RPS6KC1: variants seen among roughly 807,000 people sequenced by gnomAD.
RPS6KC1 encodes ribosomal protein S6 kinase C1, also known as inactive ribosomal protein S6 kinase delta-1.
A neutral mutation model predicts 103.8 loss-of-function variants in RPS6KC1; 54 were observed. The ratio of observed to expected loss-of-function variants is 0.52; its 90% CI spans 0.42 to 0.65. RPS6KC1 has a LOEUF of 0.65. RPS6KC1 is among the 30% of genes least tolerant of loss of function. The pLI is 0.00. For missense variants in RPS6KC1, 1,151 were observed against 1,253.8 expected (o/e 0.92, Z 1.24); for synonymous variants, 439 against 438.7 (o/e 1.00, Z -0.01).
chr1:213,732,611 C>A, the RPS6KC1 span, among the ~76,000 whole-genome samples: 1 of 152,082 alleles, frequency 6.6e-6, no homozygotes, highest in Non-Finnish European at 1.5e-5. Flanking sequence ...CAAAAGATTG[C>A]CTCCTCTTCC....
At chr1:213,363,699 TTTCCTTCTTTCTTTCTTTCTTTCTTTCG>T in the RPS6KC1 span, among the ~76,000 whole-genome samples, 119 of 96,506 alleles carry the variant, frequency 1.2e-3, 25 homozygotes, top group African/African-American at 7.5e-3. Flanking sequence ...TCTTTCTTTC[TTTCCTTCTTTCTTTCTTTCTTTCTTTCG>T]TTCTTTCTTT....
the RPS6KC1 span, among the ~76,000 whole-genome samples, chr1:213,421,975 G>A: frequency 6.6e-6 from 1 of 152,186 alleles, no homozygotes; most frequent in Non-Finnish European, 1.5e-5. Context: ...CAAGTTCCTA[G>A]AGGACTGTGA....
chr1:213,749,605 C>T, the RPS6KC1 span, among the ~76,000 whole-genome samples: 1 of 152,174 alleles, frequency 6.6e-6, no homozygotes, highest in African/African-American at 2.4e-5. Context: ...TGCATCCCCA[C>T]AACCAAAAGG....
At chr1:213,554,299 G>A in the RPS6KC1 span, among the ~76,000 whole-genome samples, 1 of 152,004 alleles carries the variant, frequency 6.6e-6, no homozygotes, top group Non-Finnish European at 1.5e-5. Context: ...ACCCATGCTT[G>A]TTATTGTCTT....
chr1:213,637,956 A>T, the RPS6KC1 span, among the ~76,000 whole-genome samples: 1 of 152,010 alleles, frequency 6.6e-6, no homozygotes, highest in Non-Finnish European at 1.5e-5. Context: ...AGCTGGGACT[A>T]TAGCTGTGCA....
the RPS6KC1 span, among the ~76,000 whole-genome samples, chr1:213,368,749 A>T: frequency 6.6e-6 from 1 of 152,220 alleles, no homozygotes; most frequent in Non-Finnish European, 1.5e-5. Context: ...AAAGTCCTGC[A>T]AAAGAGAGCT....
the RPS6KC1 span, among the ~76,000 whole-genome samples, chr1:213,563,972 C>CTTTTTTTTTTTTTTTTTTTTTTCTTTT: frequency 3.0e-5 from 4 of 134,390 alleles, no homozygotes; most frequent in Non-Finnish European, 6.3e-5. Flanking sequence ...TTGCTTACCT[C>CTTTTTTTTTTTTTTTTTTTTTTCTTTT]TTTTTTTTTT....
At chr1:213,739,356 G>T in the RPS6KC1 span, among the ~76,000 whole-genome samples, 1 of 152,084 alleles carries the variant, frequency 6.6e-6, no homozygotes, top group African/African-American at 2.4e-5. Flanking sequence ...TAAGGCTTCT[G>T]GTCAACAGTA....
chr1:213,134,377 TCTC>T lies in RPS6KC1; in HGVS notation c.835+4489_835+4491del, dbSNP rs773035235. Among the ~76,000 whole-genome samples the T allele has an allele frequency of 8.5e-5, 13 of 152,070 alleles. 1 individual carries two copies. The East Asian group carries it at 1.2e-3, about 14-fold the overall frequency. On this transcript the variant is annotated intron_variant, in intron 6 of 14. Transcript: ENST00000366960. ...CCTTTTACCTCCTTTCCTCTCCTCT[TCTC>T]TTCTCTTGCATACATTATGAGTGAC...
chr1:213,219,791 A>T (rs1238061142), intron 8 of RPS6KC1, among the ~76,000 whole-genome samples: 2 of 146,686 alleles, frequency 1.4e-5, no homozygotes, highest in African/African-American at 5.0e-5. Context: ...TCTCATTCAT[A>T]GGTCGAATTG....
At chr1:213,631,928 A>T in the RPS6KC1 span, among the ~76,000 whole-genome samples, 1 of 151,886 alleles carries the variant, frequency 6.6e-6, no homozygotes, top group Non-Finnish European at 1.5e-5. Flanking sequence ...CCCTTTTCCT[A>T]CCCCTGGCAA....
chr1:213,363,433 C>A, the RPS6KC1 span, among the ~76,000 whole-genome samples: 1 of 152,198 alleles, frequency 6.6e-6, no homozygotes, highest in Non-Finnish European at 1.5e-5. Context: ...CAGCTCCTCC[C>A]ATCTTCCAAC....
At chr1:213,325,856 G>A in the RPS6KC1 span, among the ~76,000 whole-genome samples, 1 of 152,146 alleles carries the variant, frequency 6.6e-6, no homozygotes, top group East Asian at 1.9e-4. Context: ...GGTTTCTTTC[G>A]TTCACAGGAT....
chr1:213,555,200 C>T, the RPS6KC1 span, among the ~76,000 whole-genome samples: 2 of 152,160 alleles, frequency 1.3e-5, no homozygotes, highest in Admixed American at 6.5e-5. Context: ...CTACAAAGAA[C>T]GAATGTTTGA....
the RPS6KC1 span, among the ~76,000 whole-genome samples, chr1:213,349,285 C>T: frequency 6.6e-6 from 1 of 152,154 alleles, no homozygotes; most frequent in African/African-American, 2.4e-5. Context: ...AAGCAGTTTC[C>T]TTTTCCCTTC....
chr1:213,336,178 A>G, the RPS6KC1 span, among the ~76,000 whole-genome samples: 2 of 152,196 alleles, frequency 1.3e-5, no homozygotes, highest in African/African-American at 2.4e-5. Flanking sequence ...ACGAAATTCA[A>G]TACAATAGCT....
At chr1:213,582,051 G>C in the RPS6KC1 span, among the ~76,000 whole-genome samples, 3 of 147,454 alleles carry the variant, frequency 2.0e-5, no homozygotes, top group African/African-American at 7.5e-5. Flanking sequence ...CTATGTATTT[G>C]TGTTCCTAAA....
At chr1:213,314,604 A>G in the RPS6KC1 span, among the ~76,000 whole-genome samples, 1 of 151,696 alleles carries the variant, frequency 6.6e-6, no homozygotes, top group Non-Finnish European at 1.5e-5. Flanking sequence ...AATCCTGTGA[A>G]GACACTTGAT....
intron 5 of RPS6KC1, among the ~76,000 whole-genome samples, chr1:213,123,168 A>C (rs2084595760): frequency 6.6e-6 from 1 of 152,160 alleles, no homozygotes; most frequent in Non-Finnish European, 1.5e-5. Context: ...TGAAATGAAG[A>C]GATTTCATTT....
Sources: allele counts gnomAD v4.1 joint callset (sites outside exome capture counted in the v4.1 genomes callset), GRCh38; gene constraint gnomAD v4.1.1; transcripts MANE v1.5; gene names NCBI Gene and HGNC (gene_info 2026-07-23, HGNC 2026-07-21).